BOD1L1: variants seen among roughly 807,000 people sequenced by gnomAD.
BOD1L1 encodes biorientation of chromosomes in cell division protein 1-like 1.
In BOD1L1, 86 loss-of-function variants were observed where a neutral mutation model predicts 240.7. The ratio of observed to expected loss-of-function variants is 0.36; its 90% confidence interval spans 0.30 to 0.43. The LOEUF is 0.43. Among genes scored for constraint, BOD1L1 ranks in the 20% least tolerant of loss-of-function variants. BOD1L1 has a pLI of 1.00. For synonymous variants in BOD1L1, 1,268 were observed against 1,272.3 expected, an observed-to-expected ratio of 1.00 and a Z score of 0.07; for missense variants, 3,554 against 3,643.5, an observed-to-expected ratio of 0.98 and a Z score of 0.63.
chr4:13,609,493 C>G, intron 6 of BOD1L1, 87 bp from the exon 7 acceptor site: 1 of 814,454 alleles, frequency 1.2e-6, no homozygotes, highest in South Asian at 2.7e-5. Flanking sequence ...TTTAGTTTAC[C>G]CTTCAGATGT....
At chr4:13,571,151 C>T (rs185240316) in intron 25 of BOD1L1, among the ~76,000 whole-genome samples, 12 of 152,264 alleles carry the variant, frequency 7.9e-5, no homozygotes, top group Admixed American at 3.3e-4. Flanking sequence ...GTCTTATACA[C>T]ATATATCTCC....
intron 10 of BOD1L1, 139 bp from the exon 11 acceptor site, chr4:13,597,307 T>C (rs1203627346): frequency 1.5e-6 from 1 of 651,002 alleles, no homozygotes; most frequent in African/African-American, 1.8e-5. Context: ...CAGTAGAAAA[T>C]GATCAAAAGG....
chr4:13,594,860 ACTCCAACCTGGCAAACAGAGTG>A (rs1466523929), intron 12 of BOD1L1, among the ~76,000 whole-genome samples: 1 of 152,168 alleles, frequency 6.6e-6, no homozygotes, highest in Non-Finnish European at 1.5e-5. Flanking sequence ...ACGCCACTGT[ACTCCAACCTGGCAAACAGAGTG>A]AGACTCCATC....
chr4:13,614,169 T>C lies in BOD1L1; in HGVS notation c.1174+27A>G, dbSNP rs76466064. 285 of 1,459,130 alleles carry C rather than the reference T, an allele frequency of 2.0e-4. 2 individuals are homozygous for C. In the African/African-American group the frequency reaches 3.7e-3, roughly 19 times the overall value. The allele number at this position is 1,459,130 out of a possible 1,614,324, so 90.4% of individuals were successfully genotyped here. A position where few individuals can be genotyped will look rare whatever the true frequency, so the allele number is the denominator to read the frequency against. On this transcript the variant is annotated intron_variant, in intron 4 of 25. Transcript: ENST00000040738. ...CCAAAACACTCTGTTCTTTAAACTT[T>C]GTAGATGTTTGCAAGTTTTTATATA...
rs1409437680 is a variant in BOD1L1 at position 13,618,081 on chromosome 4, C to T, written c.368+1862G>A. On this transcript the variant is annotated intron_variant, in intron 2 of 25. Transcript: ENST00000040738. ...AAACATGATTTTGTGATCACAATAT[C>T]TTACTGGTACAGCAATAATTTTAAG... 3.3e-5 allele frequency among the ~76,000 whole-genome samples: 5 copies of T among 152,192 alleles called. No homozygotes were observed. The East Asian group carries it at 7.7e-4, about 23-fold the overall frequency.
At chr4:13,581,076 A>C in intron 20 of BOD1L1, 22 bp from the exon 21 acceptor site, 2 of 1,564,520 alleles carry the variant, frequency 1.3e-6, no homozygotes, top group Non-Finnish European at 1.7e-6. Flanking sequence ...AAATTCACTT[A>C]GAAAATCGGT....
chr4:13,608,711 T>A (rs1560210234), intron 7 of BOD1L1, 43 bp from the exon 8 acceptor site: 1 of 1,363,986 alleles, frequency 7.3e-7, no homozygotes, highest in East Asian at 2.9e-5. Context: ...AGAAAAGTTT[T>A]ACAAACAATG....
At chr4:13,570,275 C>G (rs1026995231) in intron 25 of BOD1L1, 147 bp from the exon 26 acceptor site, 1 of 542,850 alleles carries the variant, frequency 1.8e-6, no homozygotes, top group Non-Finnish European at 3.1e-6. Context: ...AAGGAGCTAC[C>G]TCGCGAAGAG....
chr4:13,602,492 A>G lies in BOD1L1; in HGVS notation c.4408T>C (p.Ser1470Pro), dbSNP rs1457744711. 13 of 1,613,862 alleles carry G rather than the reference A, an allele frequency of 8.1e-6. No individual in the cohort carries two copies. Among genetic ancestry groups the G allele is most frequent in the Non-Finnish European group, 1.1e-5 (13 of 1,179,842 alleles). Residue 1470 changes from serine to proline, a missense_variant, in exon 10 of 26, where the codon TCA (serine) becomes CCA (proline). Ser to Pro is a moderately conservative substitution (Grantham distance 74, BLOSUM62 -1). This residue lies in a region of BOD1L1 where 3,393 missense variants were observed against 3,427.1 expected (regional missense o/e 0.99). Coordinates refer to ENST00000040738, the MANE Select transcript of BOD1L1 (RefSeq NM_148894.3). ...TCATTCCTTCTTTCAACATCAATTG[A>G]TATGTCTTTTACTTTACCTGGGCTT... is the stretch of plus-strand genomic sequence containing the variant. ...KRSPGKVKDI[S>P]IDVERRNENS...
At position 13,589,760 on chromosome 4, in the gene BOD1L1, T is replaced by A. The variant is rs559353184; in HGVS notation, c.8209+626A>T. Among the ~76,000 whole-genome samples, 5 of 152,302 alleles carry A rather than the reference T, an allele frequency of 3.3e-5. No individual in the cohort carries two copies. In the South Asian group the frequency reaches 1.0e-3, roughly 32 times the overall value. On this transcript the variant is annotated intron_variant, in intron 14 of 25. Transcript: ENST00000040738. The stretch of plus-strand genomic sequence containing the variant: ...AATTGTAAGATAGGGCAAAACTAGG[T>A]TGGGGGCACATAGGTGTTTATTACT...
chr4:13,609,694 T>C (rs1029771617), intron 6 of BOD1L1, among the ~76,000 whole-genome samples: 1 of 152,176 alleles, frequency 6.6e-6, no homozygotes, highest in African/African-American at 2.4e-5. Context: ...GGTATAATTT[T>C]GGGGAAAAGT....
chr4:13,612,788 T>C (rs994616457), intron 5 of BOD1L1, among the ~76,000 whole-genome samples: 1 of 152,114 alleles, frequency 6.6e-6, no homozygotes, highest in Non-Finnish European at 1.5e-5. Flanking sequence ...TGTTGGGTCA[T>C]GGAGTAAGAG....
intron 2 of BOD1L1, among the ~76,000 whole-genome samples, chr4:13,616,681 T>C (rs1293875782): frequency 6.6e-6 from 1 of 152,158 alleles, no homozygotes; most frequent in African/African-American, 2.4e-5. Context: ...CAAATGCTAT[T>C]TTTGAGTGCA....
rs748744279 is a variant in BOD1L1 at position 13,595,943 on chromosome 4, G to A, written c.8021C>T (p.Ala2674Val). Residue 2674 changes from alanine to valine, a missense_variant and splice_region_variant, in exon 12 of 26, where the codon GCT becomes GTT. By Grantham distance (64) the Ala-to-Val change is moderately conservative. Coordinates refer to ENST00000040738, the MANE Select transcript of BOD1L1 (RefSeq NM_148894.3). ...LKLKANLKME[A>V]YVPSEEEKNG... ...TTTCTCTTCCTCTGAAGGCACATAA[G>A]CCTAAAAAATCCAAAGCACCATAAA... The A allele has an allele frequency of 3.1e-6, 5 of 1,612,468 alleles. No homozygotes were observed. The Admixed American group carries it at 8.4e-5, about 27-fold the overall frequency.
At chr4:13,626,183 T>C (rs570500080) in intron 1 of BOD1L1, 1 of 152,296 alleles carries the variant, frequency 6.6e-6, no homozygotes, top group African/African-American at 2.4e-5. Context: ...TAGCAGGGCG[T>C]GGTGGCACGC....
intron 14 of BOD1L1, 115 bp from the exon 15 acceptor site, chr4:13,588,907 A>G: frequency 9.0e-6 from 6 of 665,940 alleles, no homozygotes; most frequent in Non-Finnish European, 1.2e-5. Flanking sequence ...TTTATTGAGT[A>G]CCAGTTATAT....
chr4:13,592,063 T>C, intron 12 of BOD1L1, 97 bp from the exon 13 acceptor site: 2 of 845,122 alleles, frequency 2.4e-6, no homozygotes, highest in Non-Finnish European at 3.6e-6. Flanking sequence ...GAACCTATCC[T>C]ATGTCACCAA....
chr4:13,591,822 A>C, intron 13 of BOD1L1, 101 bp downstream of exon 13: 1 of 856,852 alleles, frequency 1.2e-6, no homozygotes, highest in African/African-American at 1.7e-5. Context: ...ACAGAAATAC[A>C]CAGGCAACCC....
Position 13,614,602 on chromosome 4 carries a change from C to T in BOD1L1, c.768G>A (p.Met256Ile). ...STDKERTSED[M>I]ADKEKSTADS... ...CAGCTGTAGATTTTTCTTTATCAGC[C>T]ATGTCCTCTGAAGTTCTTTCTTTGT... The change falls in exon 4 of 26, where the codon ATG (methionine) becomes ATA (isoleucine). Residue 256 changes from methionine to isoleucine, a missense_variant. Physicochemically the swap from Met to Ile is conservative, Grantham distance 10 (BLOSUM62 1). Coordinates refer to ENST00000040738, the MANE Select transcript of BOD1L1 (RefSeq NM_148894.3). The T allele has an allele frequency of 6.2e-7, 1 of 1,613,884 alleles. No homozygotes were observed. The highest frequency in any genetic ancestry group is 8.5e-7 in the Non-Finnish European group (1 of 1,179,876).
Sources: allele counts gnomAD v4.1 joint callset (sites outside exome capture counted in the v4.1 genomes callset), GRCh38; gene constraint gnomAD v4.1.1; regional missense constraint gnomAD v4.1.1; transcripts MANE v1.5; gene names NCBI Gene and HGNC (gene_info 2026-07-23, HGNC 2026-07-21).